The following ZNF892 variants were observed in gnomAD, a reference collection of about 807,000 sequenced individuals.
ZNF892 encodes zinc finger protein 892.
chr2:95,242,425 T>C, the ZNF892 span, among the ~76,000 whole-genome samples: 1 of 152,186 alleles, frequency 6.6e-6, no homozygotes, highest in Non-Finnish European at 1.5e-5. Flanking sequence ...ATAAGATCCT[T>C]TTCAGACAAA....
the ZNF892 span, among the ~76,000 whole-genome samples, chr2:95,262,052 A>G: frequency 1.3e-5 from 2 of 152,248 alleles, no homozygotes; most frequent in Non-Finnish European, 2.9e-5. Flanking sequence ...TGACAAGTAC[A>G]GGATCCTATT....
At chr2:95,220,603 C>G in the ZNF892 span, among the ~76,000 whole-genome samples, 1 of 152,190 alleles carries the variant, frequency 6.6e-6, no homozygotes, top group Non-Finnish European at 1.5e-5. Flanking sequence ...CTCCACCTTT[C>G]CCGTGACATC....
chr2:95,239,693 T>C, the ZNF892 span, among the ~76,000 whole-genome samples: 1 of 152,082 alleles, frequency 6.6e-6, no homozygotes, highest in African/African-American at 2.4e-5. Flanking sequence ...GATAGTGCAA[T>C]CTTGGCTCAC....
At chr2:95,220,064 G>A in the ZNF892 span, among the ~76,000 whole-genome samples, 1 of 152,280 alleles carries the variant, frequency 6.6e-6, no homozygotes, top group Admixed American at 6.5e-5. Context: ...GATGGCTCTG[G>A]GTAGGGGGGA....
chr2:95,221,531 G>A, the ZNF892 span, among the ~76,000 whole-genome samples: 23 of 152,144 alleles, frequency 1.5e-4, no homozygotes, highest in African/African-American at 5.1e-4. Flanking sequence ...TATTGTGTTT[G>A]TAGTGTGTGG....
At chr2:95,252,435 A>T in the ZNF892 span, among the ~76,000 whole-genome samples, 1 of 152,120 alleles carries the variant, frequency 6.6e-6, no homozygotes, top group African/African-American at 2.4e-5. Flanking sequence ...TTATGGCTGC[A>T]TAGTATTCCA....
chr2:95,251,560 C>T, the ZNF892 span, among the ~76,000 whole-genome samples: 1 of 152,116 alleles, frequency 6.6e-6, no homozygotes, highest in Non-Finnish European at 1.5e-5. Context: ...CCATGAGAGC[C>T]TAGGAAAGCA....
At chr2:95,227,140 TCCTC>T in the ZNF892 span, among the ~76,000 whole-genome samples, 2 of 119,626 alleles carry the variant, frequency 1.7e-5, no homozygotes, top group Admixed American at 9.4e-5. Flanking sequence ...CTTCCTTCCT[TCCTC>T]CCTCCCTTCC....
At chr2:95,224,192 A>C in the ZNF892 span, among the ~76,000 whole-genome samples, 1 of 152,222 alleles carries the variant, frequency 6.6e-6, no homozygotes, top group African/African-American at 2.4e-5. Flanking sequence ...TGGCAGCTGG[A>C]ACAGACTAAG....
the ZNF892 span, among the ~76,000 whole-genome samples, chr2:95,226,262 C>T: frequency 6.6e-6 from 1 of 152,182 alleles, no homozygotes; most frequent in Admixed American, 6.5e-5. Context: ...TTTATTTCTT[C>T]CTTTCCAATT....
the ZNF892 span, among the ~76,000 whole-genome samples, chr2:95,241,887 A>G: frequency 6.6e-6 from 1 of 152,190 alleles, no homozygotes. Flanking sequence ...CAAGCAGAGG[A>G]AAGAATCTCA....
chr2:95,262,002 GA>G, the ZNF892 span, among the ~76,000 whole-genome samples: 8 of 152,180 alleles, frequency 5.3e-5, no homozygotes, highest in African/African-American at 1.9e-4. Flanking sequence ...AAACAAGAAT[GA>G]AAGGGAAAAG....
chr2:95,243,525 G>A, the ZNF892 span, among the ~76,000 whole-genome samples: 6 of 150,482 alleles, frequency 4.0e-5, no homozygotes, highest in Non-Finnish European at 8.9e-5. Flanking sequence ...TGTGAGGAGC[G>A]TCTCTGCCCG....
chr2:95,231,767 T>A, the ZNF892 span, among the ~76,000 whole-genome samples: 1 of 152,112 alleles, frequency 6.6e-6, no homozygotes, highest in Non-Finnish European at 1.5e-5. Flanking sequence ...TACTTTTTTT[T>A]AGGGATTTGT....
the ZNF892 span, among the ~76,000 whole-genome samples, chr2:95,239,082 T>C: frequency 7.1e-6 from 1 of 141,618 alleles, no homozygotes; most frequent in East Asian, 2.1e-4. Flanking sequence ...GAGGTTGCAG[T>C]GAGCCGAGAT....
At chr2:95,261,249 C>T in the ZNF892 span, among the ~76,000 whole-genome samples, 1 of 152,008 alleles carries the variant, frequency 6.6e-6, no homozygotes, top group Non-Finnish European at 1.5e-5. Flanking sequence ...CTCTGTGGCA[C>T]TTACCTTCCT....
At chr2:95,221,394 G>A in the ZNF892 span, among the ~76,000 whole-genome samples, 2 of 152,126 alleles carry the variant, frequency 1.3e-5, no homozygotes, top group Non-Finnish European at 2.9e-5. Context: ...ATGTGGTAAA[G>A]TACATTGATT....
the ZNF892 span, chr2:95,215,258 G>C: frequency 2.1e-6 from 1 of 477,098 alleles, no homozygotes; most frequent in South Asian, 5.6e-5. Flanking sequence ...CTCAGCACCA[G>C]AGGACTCACA....
the ZNF892 span, among the ~76,000 whole-genome samples, chr2:95,249,372 C>G: frequency 6.8e-6 from 1 of 147,244 alleles, no homozygotes; most frequent in East Asian, 2.0e-4. Context: ...TCCCCAGTAG[C>G]TGGGATTACA....
Sources: gnomAD v4.1 joint callset for allele counts (sites outside exome capture counted in the v4.1 genomes callset) on GRCh38, gnomAD v4.1.1 for gene constraint, MANE v1.5 for transcripts, NCBI Gene and HGNC (gene_info 2026-07-23, HGNC 2026-07-21) for gene names.